The following C8orf34 variants were observed in gnomAD, a reference collection of about 807,000 sequenced individuals.
C8orf34 encodes the protein chromosome 8 open reading frame 34, also known as uncharacterized protein C8orf34.
A neutral mutation model predicts 68.3 loss-of-function variants in C8orf34; 65 were observed. The observed-to-expected ratio is 0.95, with a 90% confidence interval of 0.78 to 1.17. The LOEUF is 1.17. Ranked by LOEUF, C8orf34 falls within the 50% of genes most tolerant of loss-of-function variation. C8orf34 has a pLI of 0.00. For synonymous variants in C8orf34, 244 were observed against 241.2 expected (o/e 1.01, Z -0.11); for missense variants, 664 against 655.4 (o/e 1.01, Z -0.14).
chr8:68,678,725 A>G (rs1320633818), intron 8 of C8orf34, among the ~76,000 whole-genome samples: 1 of 152,144 alleles, frequency 6.6e-6, no homozygotes, highest in Admixed American at 6.5e-5. Flanking sequence ...TCAACATCAT[A>G]CTGGAAGTCC....
intron 10 of C8orf34, among the ~76,000 whole-genome samples, chr8:68,730,552 AT>A (rs1821952287): frequency 6.6e-6 from 1 of 152,126 alleles, no homozygotes; most frequent in South Asian, 2.1e-4. Context: ...TAAAACATCT[AT>A]GAGTTTGAAA....
intron 5 of C8orf34, among the ~76,000 whole-genome samples, chr8:68,490,565 AT>A (rs1170338584): frequency 6.6e-6 from 1 of 152,064 alleles, no homozygotes; most frequent in African/African-American, 2.4e-5. Flanking sequence ...GCTGATTTTC[AT>A]TTACTTACCT....
At chr8:68,578,621 T>C (rs1028228622) in intron 7 of C8orf34, among the ~76,000 whole-genome samples, 2 of 150,484 alleles carry the variant, frequency 1.3e-5, no homozygotes, top group Non-Finnish European at 2.9e-5. Flanking sequence ...AAGATATCTA[T>C]AGTTCATTGC....
chr8:68,496,474 T>C (rs1383700067), intron 5 of C8orf34, among the ~76,000 whole-genome samples: 1 of 152,238 alleles, frequency 6.6e-6, no homozygotes, highest in Non-Finnish European at 1.5e-5. Context: ...AATTGCTATG[T>C]AATCTTGCCT....
At chr8:68,419,777 G>A (rs1371369604) in intron 1 of C8orf34, among the ~76,000 whole-genome samples, 4 of 142,732 alleles carry the variant, frequency 2.8e-5, no homozygotes, top group Admixed American at 7.5e-5. Context: ...GAATTGAACA[G>A]TGAGAACACA....
chr8:68,397,014 TC>T (rs1808744431), intron 1 of C8orf34, among the ~76,000 whole-genome samples: 1 of 152,056 alleles, frequency 6.6e-6, no homozygotes, highest in Admixed American at 6.6e-5. Flanking sequence ...TTATTTATTT[TC>T]TTTTTTTTTG....
At chr8:68,451,214 G>C (rs117989686) in intron 3 of C8orf34, among the ~76,000 whole-genome samples, 1,858 of 152,184 alleles carry the variant, frequency 0.012, 29 homozygotes, top group Middle Eastern at 0.051. Context: ...CTTTGGATTA[G>C]ACCTTGGCTT....
At chr8:68,757,577 C>T (rs1822901379) in intron 10 of C8orf34, among the ~76,000 whole-genome samples, 1 of 152,016 alleles carries the variant, frequency 6.6e-6, no homozygotes, top group Admixed American at 6.6e-5. Context: ...GCCGAGATCA[C>T]GCCACTGCAC....
chr8:68,348,530 T>A (rs1387404021), intron 1 of C8orf34, among the ~76,000 whole-genome samples: 1 of 152,162 alleles, frequency 6.6e-6, no homozygotes, highest in Non-Finnish European at 1.5e-5. Flanking sequence ...AGGAATAGCA[T>A]TGAATCTATA....
intron 7 of C8orf34, among the ~76,000 whole-genome samples, chr8:68,599,048 TAAAC>T (rs930169354): frequency 1.7e-4 from 26 of 152,024 alleles, no homozygotes; most frequent in Admixed American, 1.4e-3. Context: ...AAATAGAAGT[TAAAC>T]AAGATTAAGT....
chr8:68,784,180 C>T (rs1488585081), intron 11 of C8orf34, among the ~76,000 whole-genome samples: 1 of 152,120 alleles, frequency 6.6e-6, no homozygotes, highest in Non-Finnish European at 1.5e-5. Flanking sequence ...GACCCTTTCT[C>T]ACAACCAAGC....
chr8:68,530,094 G>A (rs574720996), intron 6 of C8orf34, among the ~76,000 whole-genome samples: 34 of 152,026 alleles, frequency 2.2e-4, no homozygotes, highest in African/African-American at 8.2e-4. Flanking sequence ...ATTACATTTT[G>A]TTAAATTTAC....
At chr8:68,711,562 A>G (rs940412162) in intron 9 of C8orf34, among the ~76,000 whole-genome samples, 1 of 152,032 alleles carries the variant, frequency 6.6e-6, no homozygotes, top group Non-Finnish European at 1.5e-5. Flanking sequence ...AAGCAGAAGA[A>G]AGAACTCCAG....
intron 12 of C8orf34, among the ~76,000 whole-genome samples, chr8:68,803,891 G>A (rs1424274869): frequency 6.6e-6 from 1 of 152,058 alleles, no homozygotes; most frequent in Non-Finnish European, 1.5e-5. Flanking sequence ...AATAGGCAGT[G>A]TTGAAAGTGT....
intron 7 of C8orf34, among the ~76,000 whole-genome samples, chr8:68,630,663 A>G (rs967734734): frequency 2.6e-5 from 4 of 152,162 alleles, no homozygotes; most frequent in Non-Finnish European, 4.4e-5. Flanking sequence ...AATATTTTAT[A>G]GTGGTTATAT....
chr8:68,593,333 A>G (rs965178952), intron 7 of C8orf34, among the ~76,000 whole-genome samples: 1 of 152,208 alleles, frequency 6.6e-6, no homozygotes, highest in Middle Eastern at 3.4e-3. Flanking sequence ...GAAAGATTGT[A>G]CATTTGACAC....
intron 5 of C8orf34, among the ~76,000 whole-genome samples, 157 bp downstream of exon 5, chr8:68,488,208 A>G (rs979710452): frequency 7.2e-5 from 11 of 152,194 alleles, no homozygotes; most frequent in Admixed American, 2.0e-4. Flanking sequence ...ATATTGTTTT[A>G]TGAAAGCTAT....
At chr8:68,435,280 A>G (rs1182297916) in intron 1 of C8orf34, among the ~76,000 whole-genome samples, 1 of 147,240 alleles carries the variant, frequency 6.8e-6, no homozygotes, top group Non-Finnish European at 1.5e-5. Context: ...GTATATCACT[A>G]AGAGTTAAGT....
At chr8:68,403,588 T>C (rs1477485081) in intron 1 of C8orf34, among the ~76,000 whole-genome samples, 2 of 151,762 alleles carry the variant, frequency 1.3e-5, no homozygotes, top group Non-Finnish European at 2.9e-5. Context: ...CCTGTGTCCA[T>C]GTGTTCTCAT....
Sources: gnomAD v4.1 joint callset for allele counts (sites outside exome capture counted in the v4.1 genomes callset) on GRCh38, gnomAD v4.1.1 for gene constraint, MANE v1.5 for transcripts, NCBI Gene and HGNC (gene_info 2026-07-23, HGNC 2026-07-21) for gene names.